The following AKAP19 variants were observed in gnomAD, a reference collection of about 807,000 sequenced individuals.
The protein encoded by AKAP19 is small A-kinase anchoring protein.
At chr2:190,062,615 ATCT>A in the AKAP19 span, 1 of 1,606,954 alleles carries the variant, frequency 6.2e-7, no homozygotes, top group Non-Finnish European at 8.5e-7. Flanking sequence ...AATCAATATA[ATCT>A]TTTTTCTTGT....
At chr2:189,891,041 T>C in the AKAP19 span, among the ~76,000 whole-genome samples, 1 of 152,108 alleles carries the variant, frequency 6.6e-6, no homozygotes, top group South Asian at 2.1e-4. Flanking sequence ...GTTTTTGCAG[T>C]GGCTGGTATC....
At chr2:190,188,144 T>A in the AKAP19 span, among the ~76,000 whole-genome samples, 2 of 152,302 alleles carry the variant, frequency 1.3e-5, no homozygotes, top group East Asian at 3.9e-4. Context: ...ACTTATAGCC[T>A]GAATAAATTA....
At chr2:190,033,532 G>A in the AKAP19 span, among the ~76,000 whole-genome samples, 1 of 152,180 alleles carries the variant, frequency 6.6e-6, no homozygotes, top group Admixed American at 6.5e-5. Context: ...GGCATAACTT[G>A]TGAGGATGGG....
At chr2:190,081,639 T>C in the AKAP19 span, among the ~76,000 whole-genome samples, 1 of 152,326 alleles carries the variant, frequency 6.6e-6, no homozygotes, top group South Asian at 2.1e-4. Context: ...TTTATAGACT[T>C]AAATTATTAA....
chr2:190,139,505 C>G, the AKAP19 span, among the ~76,000 whole-genome samples: 1 of 152,128 alleles, frequency 6.6e-6, no homozygotes, highest in African/African-American at 2.4e-5. Flanking sequence ...TTAATTCACT[C>G]ACTGTTCTGC....
the AKAP19 span, among the ~76,000 whole-genome samples, chr2:189,932,217 G>C: frequency 5.7e-4 from 86 of 152,166 alleles, no homozygotes; most frequent in Middle Eastern, 3.4e-3. Flanking sequence ...AGACCAGCCT[G>C]GCCAACATAG....
the AKAP19 span, among the ~76,000 whole-genome samples, chr2:189,961,682 G>T: frequency 2.0e-5 from 3 of 152,130 alleles, no homozygotes; most frequent in Admixed American, 2.0e-4. Flanking sequence ...GGAGGCTGAG[G>T]TGGGTGGATC....
At chr2:190,103,487 A>G in the AKAP19 span, among the ~76,000 whole-genome samples, 1 of 152,272 alleles carries the variant, frequency 6.6e-6, no homozygotes, top group Non-Finnish European at 1.5e-5. Context: ...TAACTTCAGT[A>G]AAGTTTCAGG....
At chr2:190,131,193 CT>C in the AKAP19 span, among the ~76,000 whole-genome samples, 1 of 152,104 alleles carries the variant, frequency 6.6e-6, no homozygotes, top group Non-Finnish European at 1.5e-5. Flanking sequence ...ATAGAAGCAT[CT>C]TTTGTTCTAA....
At chr2:190,051,163 C>T in the AKAP19 span, among the ~76,000 whole-genome samples, 1 of 152,144 alleles carries the variant, frequency 6.6e-6, no homozygotes, top group East Asian at 1.9e-4. Flanking sequence ...ATTTATTACT[C>T]GTGCATCTCT....
the AKAP19 span, among the ~76,000 whole-genome samples, chr2:189,891,709 C>G: frequency 6.6e-6 from 1 of 152,050 alleles, no homozygotes; most frequent in East Asian, 1.9e-4. Flanking sequence ...GATTATGTGT[C>G]TTGGGGTTGC....
the AKAP19 span, among the ~76,000 whole-genome samples, chr2:190,085,271 A>G: frequency 6.6e-6 from 1 of 152,226 alleles, no homozygotes; most frequent in Non-Finnish European, 1.5e-5. Flanking sequence ...ATTAAAGCCT[A>G]TTCATAATTT....
chr2:190,093,230 C>G, the AKAP19 span, among the ~76,000 whole-genome samples: 1 of 151,444 alleles, frequency 6.6e-6, no homozygotes, highest in Non-Finnish European at 1.5e-5. Flanking sequence ...TGAGACCAGC[C>G]TGGCCAACAT....
chr2:189,927,464 C>A, the AKAP19 span, among the ~76,000 whole-genome samples: 81 of 152,196 alleles, frequency 5.3e-4, no homozygotes, highest in African/African-American at 1.9e-3. Context: ...TGATTTTATG[C>A]AGCTATTCTT....
chr2:189,974,631 A>G, the AKAP19 span, among the ~76,000 whole-genome samples: 2 of 152,286 alleles, frequency 1.3e-5, no homozygotes, highest in Admixed American at 6.5e-5. Context: ...TTTGGTCTCT[A>G]GGTCTCTAAG....
the AKAP19 span, among the ~76,000 whole-genome samples, chr2:189,982,971 G>A: frequency 6.6e-6 from 1 of 152,108 alleles, no homozygotes; most frequent in Non-Finnish European, 1.5e-5. Flanking sequence ...GTGCAGTTCA[G>A]CCTGTAATCC....
chr2:190,151,248 C>T, the AKAP19 span, among the ~76,000 whole-genome samples: 2 of 152,094 alleles, frequency 1.3e-5, no homozygotes, highest in African/African-American at 2.4e-5. Flanking sequence ...ATGTGCGGAA[C>T]GTGCAGATTT....
the AKAP19 span, among the ~76,000 whole-genome samples, chr2:189,944,383 C>T: frequency 6.6e-6 from 1 of 152,148 alleles, no homozygotes; most frequent in Non-Finnish European, 1.5e-5. Flanking sequence ...TGTTTGTAAG[C>T]TTCTTGAGGC....
chr2:189,922,995 C>T, the AKAP19 span, among the ~76,000 whole-genome samples: 1 of 151,928 alleles, frequency 6.6e-6, no homozygotes, highest in Non-Finnish European at 1.5e-5. Flanking sequence ...ACTAAAAATA[C>T]AAAAAATTAG....
Sources: gnomAD v4.1 joint callset for allele counts (sites outside exome capture counted in the v4.1 genomes callset) on GRCh38, gnomAD v4.1.1 for gene constraint, MANE v1.5 for transcripts, NCBI Gene and HGNC (gene_info 2026-07-23, HGNC 2026-07-21) for gene names.